The following CPEB1 variants were observed in gnomAD, a reference collection of about 807,000 sequenced individuals.
The protein encoded by CPEB1 is cytoplasmic polyadenylation element-binding protein 1.
Under a neutral mutation model 65.8 loss-of-function variants are expected in CPEB1, and 7 were observed. The observed-to-expected ratio is 0.11, with a 90% CI of 0.06 to 0.20. CPEB1 has a LOEUF of 0.20. CPEB1 is among the 10% of genes least tolerant of loss of function. CPEB1 has a pLI of 1.00. For synonymous variants in CPEB1, 262 were observed against 260.0 expected (o/e 1.01, Z -0.08); for missense variants, 551 against 712.2 (o/e 0.77, Z 2.58).
chr15:82,636,077 C>A (rs879512980), intron 1 of CPEB1, among the ~76,000 whole-genome samples: 3 of 152,166 alleles, frequency 2.0e-5, no homozygotes, highest in Non-Finnish European at 4.4e-5. Context: ...TCCACTGGCT[C>A]CCCTTCAGTT....
intron 3 of CPEB1, among the ~76,000 whole-genome samples, chr15:82,626,349 G>A (rs571685186): frequency 9.9e-5 from 15 of 151,990 alleles, no homozygotes; most frequent in Non-Finnish European, 1.3e-4. Context: ...CAGGATAACC[G>A]CTTGAACCAG....
At position 82,555,870 on chromosome 15, in the gene CPEB1, C is replaced by T. The variant is rs1322512092; in HGVS notation, c.940G>A (p.Ala314Thr). Reference protein sequence around the residue: ...REARLHRQAAAVNEATCTWSG... With the variant: ...REARLHRQAATVNEATCTWSG... ...TCACACATGCTCAAGGCACACTCAC[C>T]TGCAGCTTGTCGGTGCAGCCTGGCC... The change falls in exon 6 of 13, where the codon GCT (alanine) becomes ACT (threonine). Residue 314 changes from alanine to threonine, a missense_variant and splice_region_variant. Ala to Thr is a moderately conservative substitution (Grantham distance 58). Transcript: ENST00000684509. 6.2e-7 allele frequency: 1 copy of T among 1,610,636 alleles called. No homozygotes were observed.
At position 82,543,545 on chromosome 15, in the gene CPEB1, A is replaced by C. The variant is rs1168129068; in HGVS notation, c.*1047T>G. 2 of 150,778 alleles carry C rather than the reference A, an allele frequency of 1.3e-5. No individual in the cohort carries two copies. The highest frequency in any genetic ancestry group is 4.9e-5 in the African/African-American group (2 of 40,840). 9.3% of individuals were successfully genotyped at this position (150,778 alleles called of 1,614,324 possible). A position where few individuals can be genotyped will look rare whatever the true frequency, so the allele number is the denominator to read the frequency against. ...GGCATTTCAGTCAACTGCAACTGTT[A>C]TCTCATACATTCCTCAAATTAAAGA... On this transcript the variant is annotated 3_prime_UTR_variant, in exon 13 of 13. Coordinates refer to ENST00000684509, the MANE Select transcript of CPEB1 (RefSeq NM_001365242.1).
At chr15:82,626,771 C>A (rs1306921238) in intron 3 of CPEB1, among the ~76,000 whole-genome samples, 1 of 151,974 alleles carries the variant, frequency 6.6e-6, no homozygotes, top group African/African-American at 2.4e-5. Context: ...ATTTTGAAGT[C>A]GTAGTACTAA....
chr15:82,647,956 C>T, upstream of CPEB1: 1 of 1,083,626 alleles, frequency 9.2e-7, no homozygotes, highest in Non-Finnish European at 1.2e-6. Flanking sequence ...ACTATTTTTG[C>T]AGCGGGCCGC....
chr15:82,639,699 C>T (rs2151378489), intron 1 of CPEB1, among the ~76,000 whole-genome samples: 1 of 152,228 alleles, frequency 6.6e-6, no homozygotes, highest in Middle Eastern at 3.4e-3. Context: ...GAGTTCCCAC[C>T]ATTCCCAGAA....
At chr15:82,592,361 G>C (rs2042327192) in intron 3 of CPEB1, among the ~76,000 whole-genome samples, 1 of 151,204 alleles carries the variant, frequency 6.6e-6, no homozygotes, top group African/African-American at 2.4e-5. Flanking sequence ...GCAGAGATGG[G>C]CGGATCACTT....
chr15:82,599,859 G>T (rs935299747), intron 3 of CPEB1, among the ~76,000 whole-genome samples: 2 of 151,912 alleles, frequency 1.3e-5, no homozygotes, highest in African/African-American at 4.8e-5. Context: ...GTACAATAGG[G>T]GAAAAGCAGT....
At chr15:82,607,510 C>A (rs566639833) in intron 3 of CPEB1, among the ~76,000 whole-genome samples, 1 of 152,220 alleles carries the variant, frequency 6.6e-6, no homozygotes, top group African/African-American at 2.4e-5. Context: ...ATTGCTTGAA[C>A]TGGGAAGCAG....
rs1182029306 is a variant in CPEB1 at position 82,543,632 on chromosome 15, C to T, written c.*960G>A. On this transcript the variant is annotated 3_prime_UTR_variant, in exon 13 of 13. Coordinates refer to ENST00000684509, the MANE Select transcript of CPEB1 (RefSeq NM_001365242.1). Reference sequence around the variant, plus strand: ...GGCTCCTGTGAGCCTTCATCTGCCCCCACCGAAAAGCAGCCCTTTTTAGCT... The same window carrying T: ...GGCTCCTGTGAGCCTTCATCTGCCCTCACCGAAAAGCAGCCCTTTTTAGCT... 1 of 152,230 alleles carries T rather than the reference C, an allele frequency of 6.6e-6. No homozygotes were observed. Among genetic ancestry groups the T allele is most frequent in the African/African-American group, 2.4e-5 (1 of 41,318 alleles). The allele number at this position is 152,230 out of a possible 1,614,324, so 9.4% of individuals were successfully genotyped here. A position where few individuals can be genotyped will look rare whatever the true frequency, so the allele number is the denominator to read the frequency against.
At chr15:82,643,913 A>G (rs1470751402) in intron 1 of CPEB1, among the ~76,000 whole-genome samples, 1 of 152,234 alleles carries the variant, frequency 6.6e-6, no homozygotes, top group African/African-American at 2.4e-5. Flanking sequence ...GAGATTTAGT[A>G]AGCTCCATGT....
chr15:82,598,255 C>A (rs1449074006), intron 3 of CPEB1, among the ~76,000 whole-genome samples: 3 of 17,882 alleles, frequency 1.7e-4, no homozygotes, highest in Non-Finnish European at 3.2e-4. Flanking sequence ...GTGGGTGGAT[C>A]ACCTGAGGTG....
chr15:82,552,690 G>A, intron 8 of CPEB1, 74 bp from the exon 9 acceptor site: 1 of 1,517,426 alleles, frequency 6.6e-7, no homozygotes, highest in Non-Finnish European at 9.1e-7. Context: ...TTTGCAGCAG[G>A]GCGTTTCTTC....
intron 3 of CPEB1, among the ~76,000 whole-genome samples, chr15:82,625,492 C>T (rs770478850): frequency 4.6e-5 from 7 of 152,152 alleles, no homozygotes; most frequent in Non-Finnish European, 1.0e-4. Context: ...CAACTAAAAA[C>T]AGTAGTTGTC....
intron 4 of CPEB1, 72 bp from the exon 5 acceptor site, chr15:82,558,058 A>G: frequency 1.9e-6 from 2 of 1,066,222 alleles, no homozygotes; most frequent in Non-Finnish European, 1.4e-6. Context: ...TTCTTCTCCT[A>G]CAGCCACCCA....
rs377521130 is a variant in CPEB1 at position 82,627,268 on chromosome 15, T to C, written c.196A>G (p.Ile66Val). The C allele has an allele frequency of 2.9e-5, 47 of 1,613,698 alleles. No homozygotes were observed. Among genetic ancestry groups the C allele is most frequent in the Non-Finnish European group, 3.7e-5 (44 of 1,179,746 alleles). The change falls in exon 3 of 13, where the codon ATA becomes GTA. Residue 66 changes from isoleucine to valine, a missense_variant. Ile to Val is a conservative substitution (Grantham distance 29). Around this residue, in one of 6 missense-constraint regions of CPEB1, gnomAD observed 223 missense variants for 228.6 expected, o/e 0.98. Transcript: ENST00000684509. ...CTGAAATCCAGAGAATTATCCAATATGGCATTTATCCTTCGAAAGATATTG... is the reference window on the plus strand; with the variant it reads ...CTGAAATCCAGAGAATTATCCAATACGGCATTTATCCTTCGAAAGATATTG... Reference protein sequence around the residue: ...NANIFRRINAILDNSLDFSRV... With the variant: ...NANIFRRINAVLDNSLDFSRV...
intron 3 of CPEB1, among the ~76,000 whole-genome samples, chr15:82,603,959 A>G (rs1440593319): frequency 6.6e-6 from 1 of 152,206 alleles, no homozygotes; most frequent in Non-Finnish European, 1.5e-5. Flanking sequence ...TGGCCCATTC[A>G]TGGGGGAAAA....
At chr15:82,585,475 T>C (rs2041720595) in intron 3 of CPEB1, among the ~76,000 whole-genome samples, 1 of 152,148 alleles carries the variant, frequency 6.6e-6, no homozygotes, top group Non-Finnish European at 1.5e-5. Flanking sequence ...AGCAGAAAAC[T>C]TATTTTTGAA....
At chr15:82,583,573 T>A (rs575325449) in intron 3 of CPEB1, 9 of 152,352 alleles carry the variant, frequency 5.9e-5, no homozygotes, top group Non-Finnish European at 1.2e-4. Context: ...ATTGAAAGCT[T>A]CAAAAGATTT....
Sources: allele counts gnomAD v4.1 joint callset (sites outside exome capture counted in the v4.1 genomes callset), GRCh38; gene constraint gnomAD v4.1.1; regional missense constraint gnomAD v4.1.1; transcripts MANE v1.5; gene names NCBI Gene and HGNC (gene_info 2026-07-23, HGNC 2026-07-21).